CDKL5: variants seen among roughly 807,000 people sequenced by gnomAD.
CDKL5 encodes the protein cyclin dependent kinase like 5, also known as cyclin-dependent kinase-like 5.
Under a neutral mutation model 61.7 loss-of-function variants are expected in CDKL5, and 8 were observed. The ratio of observed to expected loss-of-function variants is 0.13; its 90% CI spans 0.08 to 0.23. The LOEUF is 0.23. CDKL5 is among the 10% of genes least tolerant of loss of function. The pLI is 1.00. For synonymous variants in CDKL5, 275 were observed against 272.3 expected (o/e 1.01, Z -0.10); for missense variants, 440 against 734.5 (o/e 0.60, Z 4.63).
chrX:18,575,993 A>G (rs772853826), intron 5 of CDKL5, among the ~76,000 whole-genome samples: 61 of 112,479 alleles, frequency 5.4e-4, no homozygotes, highest in African/African-American at 1.8e-3. Flanking sequence ...ATGAGACCGT[A>G]AAAGAAAAGC....
intron 1 of CDKL5, among the ~76,000 whole-genome samples, chrX:18,467,366 A>G (rs922595506): frequency 6.3e-5 from 7 of 111,474 alleles, no homozygotes; most frequent in South Asian, 7.6e-4. Flanking sequence ...TCAAAATGTT[A>G]TATAAACTGC....
intron 3 of CDKL5, among the ~76,000 whole-genome samples, chrX:18,527,121 A>G (rs920348606): frequency 8.9e-6 from 1 of 112,137 alleles, no homozygotes; most frequent in African/African-American, 3.2e-5. Context: ...AGTTGTTTTC[A>G]TATATTGGCG....
intron 3 of CDKL5, among the ~76,000 whole-genome samples, chrX:18,541,483 C>G (rs1387940694): frequency 1.8e-5 from 2 of 111,930 alleles, no homozygotes; most frequent in East Asian, 5.6e-4. Context: ...TTTTAAATTT[C>G]AGTTATTTGC....
intron 4 of CDKL5, among the ~76,000 whole-genome samples, chrX:18,574,347 C>G (rs1225175826): frequency 5.4e-5 from 6 of 111,497 alleles, no homozygotes; most frequent in Non-Finnish European, 1.1e-4. Context: ...GGTGTTACCT[C>G]TCAGTGAATT....
chrX:18,581,887 C>T lies in CDKL5; in HGVS notation c.404-4C>T. On this transcript the variant is annotated splice_region_variant and splice_polypyrimidine_tract_variant and intron_variant, in intron 6 of 17. Coordinates refer to ENST00000623535, the MANE Select transcript of CDKL5 (RefSeq NM_001323289.2). ...CTAATTTTTTTTTTATCTTGACACTCCAGATATAAAACCAGAAAATCTCTT... is the reference window on the plus strand; with the variant it reads ...CTAATTTTTTTTTTATCTTGACACTTCAGATATAAAACCAGAAAATCTCTT... 1 of 1,173,606 alleles carries T rather than the reference C, an allele frequency of 8.5e-7. No homozygotes were observed. The highest frequency in any genetic ancestry group is 3.0e-5 in the East Asian group (1 of 33,512).
At chrX:18,471,139 CTCAAG>C (rs762806903) in intron 1 of CDKL5, among the ~76,000 whole-genome samples, 227 of 111,130 alleles carry the variant, frequency 2.0e-3, no homozygotes, top group African/African-American at 7.0e-3. Context: ...TTTTGAGCAT[CTCAAG>C]TCTTTTTTTT....
At chrX:18,526,973 G>A (rs1195918342) in intron 3 of CDKL5, among the ~76,000 whole-genome samples, 2 of 110,717 alleles carry the variant, frequency 1.8e-5, no homozygotes, top group African/African-American at 6.6e-5. Flanking sequence ...AGTAAAGATG[G>A]GGTTTCTCCA....
At chrX:18,583,615 G>C (rs1462870814) in intron 7 of CDKL5, among the ~76,000 whole-genome samples, 1 of 111,609 alleles carries the variant, frequency 9.0e-6, no homozygotes, top group East Asian at 2.8e-4. Context: ...AGTTAGATGG[G>C]TGATTAACTT....
chrX:18,436,091 A>G (rs1931603834), intron 1 of CDKL5, among the ~76,000 whole-genome samples: 1 of 112,202 alleles, frequency 8.9e-6, no homozygotes, highest in African/African-American at 3.2e-5. Flanking sequence ...TATATGTATT[A>G]TGTAGTATAT....
At chrX:18,641,868 A>T (rs1235987618), downstream of CDKL5, 4 of 626,468 alleles carry the variant, frequency 6.4e-6, no homozygotes, top group African/African-American at 9.1e-5. Flanking sequence ...AAAAAAAAAA[A>T]AATTATCTAC....
chrX:18,431,827 T>C (rs1269391030), intron 1 of CDKL5, among the ~76,000 whole-genome samples: 1 of 111,246 alleles, frequency 9.0e-6, no homozygotes, highest in Non-Finnish European at 1.9e-5. Context: ...ATCATTACAA[T>C]CCAGTTTTAG....
At position 18,630,397 on chromosome X, in the gene CDKL5, T is replaced by G. The variant is rs1927200961; in HGVS notation, c.*1640T>G. On this transcript the variant is annotated 3_prime_UTR_variant, in exon 18 of 18. Transcript: ENST00000623535. ...AATTAGTCTCTGAGCAATAATACTT[T>G]TAAAGGTCCCTCCCACCCCTCAAAG... 1 of 752,676 alleles carries G rather than the reference T, an allele frequency of 1.3e-6. No individual in the cohort carries two copies. The highest frequency in any genetic ancestry group is 1.6e-6 in the Non-Finnish European group (1 of 638,237). 62.0% of individuals were successfully genotyped at this position (752,676 alleles called of 1,213,427 possible).
At chrX:18,522,335 CTTTTTTTTTT>C (rs369618121) in intron 3 of CDKL5, among the ~76,000 whole-genome samples, 22 of 37,509 alleles carry the variant, frequency 5.9e-4, no homozygotes, top group African/African-American at 2.5e-3. Flanking sequence ...CAGGCTGGAG[CTTTTTTTTTT>C]TTTTTTTTTT....
At chrX:18,610,375 T>C (rs2147165409) in intron 14 of CDKL5, among the ~76,000 whole-genome samples, 1 of 112,692 alleles carries the variant, frequency 8.9e-6, no homozygotes, top group South Asian at 3.7e-4. Context: ...TCCCACAGTT[T>C]GTTCCAGATG....
intron 1 of CDKL5, among the ~76,000 whole-genome samples, chrX:18,501,740 G>A (rs1432953745): frequency 3.7e-5 from 4 of 108,420 alleles, no homozygotes; most frequent in African/African-American, 1.3e-4. Context: ...GTAGAGATCG[G>A]GTTTCATCAT....
intron 1 of CDKL5, among the ~76,000 whole-genome samples, chrX:18,501,769 G>A (rs1177971312): frequency 9.1e-6 from 1 of 109,775 alleles, no homozygotes; most frequent in Non-Finnish European, 1.9e-5. Flanking sequence ...TGCTGGTCTC[G>A]AACTCCTGAC....
At chrX:18,561,734 G>A (rs975992378) in intron 3 of CDKL5, among the ~76,000 whole-genome samples, 1 of 110,501 alleles carries the variant, frequency 9.0e-6, no homozygotes, top group Non-Finnish European at 1.9e-5. Context: ...CTGGTAAAGG[G>A]TATTGGGAAA....
intron 9 of CDKL5, chrX:18,589,457 A>G (rs1326933525): frequency 9.0e-6 from 1 of 111,257 alleles, no homozygotes; most frequent in Non-Finnish European, 1.9e-5. Context: ...ATGTCCCTAC[A>G]AAGGACATGA....
Position 18,635,060 on chromosome X carries a change from G to T in CDKL5, c.*6303G>T. ...ATTCCATACTTTTTACTGTGGCAAG[G>T]GTGTGATGTGATTGTTAATCTTTTT... On this transcript the variant is annotated 3_prime_UTR_variant, in exon 18 of 18. Coordinates refer to ENST00000623535, the MANE Select transcript of CDKL5 (RefSeq NM_001323289.2). 1.3e-6 allele frequency: 1 copy of T among 746,888 alleles called. No individual in the cohort carries two copies. Among genetic ancestry groups the T allele is most frequent in the Non-Finnish European group, 1.6e-6 (1 of 634,219 alleles). 61.6% of individuals were successfully genotyped at this position (746,888 alleles called of 1,213,427 possible).
Sources: allele counts gnomAD v4.1 joint callset (sites outside exome capture counted in the v4.1 genomes callset), GRCh38; gene constraint gnomAD v4.1.1; transcripts MANE v1.5; gene names NCBI Gene and HGNC (gene_info 2026-07-23, HGNC 2026-07-21).